C4BPA: variants seen among roughly 807,000 people sequenced by gnomAD.
C4BPA encodes the protein complement component 4 binding protein alpha, also known as C4b-binding protein alpha chain.
In C4BPA, 31 loss-of-function variants were observed where a neutral mutation model predicts 63.7. The observed-to-expected ratio is 0.49, with a 90% CI of 0.37 to 0.66. C4BPA has a LOEUF of 0.66. Among genes scored for constraint, C4BPA ranks in the 30% least tolerant of loss-of-function variants. The pLI is 0.00. For synonymous variants in C4BPA, 259 were observed against 254.7 expected (o/e 1.02, Z -0.16); for missense variants, 572 against 723.3 (o/e 0.79, Z 2.40).
intron 3 of C4BPA, 43 bp downstream of exon 3, chr1:207,114,328 T>C: frequency 6.8e-7 from 1 of 1,466,518 alleles, no homozygotes; most frequent in Non-Finnish European, 9.3e-7. Context: ...TTTCCTATCT[T>C]TGGAAAGTTG....
chr1:207,108,403 A>C (rs1276874088), intron 1 of C4BPA, among the ~76,000 whole-genome samples: 1 of 152,000 alleles, frequency 6.6e-6, no homozygotes, highest in Non-Finnish European at 1.5e-5. Context: ...TCCAGGAACG[A>C]CTCCTTTGTT....
chr1:207,143,758 C>G, intron 10 of C4BPA, 60 bp from the exon 11 acceptor site: 1 of 1,154,684 alleles, frequency 8.7e-7, no homozygotes, highest in East Asian at 2.4e-5. Flanking sequence ...TTATCCGAGA[C>G]TGTTATCATG....
In C4BPA at chr1:207,119,416, A is replaced by C. The variant is rs1205827193; in HGVS notation, c.428+3901A>C. On this transcript the variant is annotated intron_variant, in intron 4 of 11. Coordinates refer to ENST00000367070, the MANE Select transcript of C4BPA (RefSeq NM_000715.4). ...TATGTATGGAAGATAATTCTGGGAA[A>C]CATAATTACAGCTTAGCTAAGTTGA... 2.1e-5 allele frequency among the ~76,000 whole-genome samples: 2 copies of C among 93,514 alleles called. 1 individual carries two copies. The highest frequency in any genetic ancestry group is 6.0e-5 in the African/African-American group (2 of 33,410). The allele number at this position is 93,514 out of a possible 152,430, so 61.3% of individuals were successfully genotyped here.
intron 6 of C4BPA, among the ~76,000 whole-genome samples, chr1:207,124,786 C>T (rs954788752): frequency 3.3e-5 from 5 of 152,264 alleles, no homozygotes; most frequent in South Asian, 2.1e-4. Flanking sequence ...CTTCAGTAGA[C>T]GAAGAGAGAA....
chr1:207,116,318 G>A (rs771093822), intron 4 of C4BPA, among the ~76,000 whole-genome samples: 6 of 152,020 alleles, frequency 3.9e-5, no homozygotes, highest in Non-Finnish European at 7.4e-5. Flanking sequence ...TCCAGGGGAT[G>A]TTTGTATTTA....
intron 10 of C4BPA, among the ~76,000 whole-genome samples, chr1:207,143,321 A>AC (rs1280141839): frequency 7.0e-6 from 1 of 143,286 alleles, no homozygotes; most frequent in Non-Finnish European, 1.5e-5. Flanking sequence ...AACATCACAC[A>AC]CTGGGGCCTG....
chr1:207,130,414 T>C (rs1262177520), intron 7 of C4BPA, among the ~76,000 whole-genome samples: 1 of 152,196 alleles, frequency 6.6e-6, no homozygotes, highest in Non-Finnish European at 1.5e-5. Context: ...AGTTTAACCA[T>C]GGAGTTACCA....
At chr1:207,113,311 C>T in intron 2 of C4BPA, 144 bp downstream of exon 2, 8 of 872,044 alleles carry the variant, frequency 9.2e-6, no homozygotes, top group Non-Finnish European at 1.4e-5. Context: ...CAGGCTAGAA[C>T]TTAGGGAAAT....
chr1:207,140,379 T>C (rs1402872119), intron 9 of C4BPA, among the ~76,000 whole-genome samples: 2 of 152,224 alleles, frequency 1.3e-5, no homozygotes, highest in Non-Finnish European at 2.9e-5. Flanking sequence ...AATCCCAGCA[T>C]TTCAGTCTGA....
At chr1:207,134,660 G>A in intron 9 of C4BPA, 68 bp downstream of exon 9, 1 of 1,180,460 alleles carries the variant, frequency 8.5e-7, no homozygotes, top group South Asian at 1.6e-5. Flanking sequence ...ATTATTAAGA[G>A]AAGGTTTAAA....
rs778751089 is a variant in C4BPA at position 207,124,312 on chromosome 1, A to T, written c.652A>T (p.Thr218Ser). Residue 218 changes from threonine to serine, a missense_variant, in exon 6 of 12, where the codon ACT becomes TCT. Transcript: ENST00000367070. ...SLLGHASISC[T>S]VENETIGVWR... ...CTTGGGCCATGCCTCCATTTCTTGC[A>T]CTGTGGAGAATGAAACAATAGGTGT... 4 of 1,613,864 alleles carry T rather than the reference A, an allele frequency of 2.5e-6. No individual in the cohort carries two copies. In the South Asian group the frequency reaches 4.4e-5, roughly 18 times the overall value.
At chr1:207,121,648 TA>T (rs1189854686) in intron 4 of C4BPA, among the ~76,000 whole-genome samples, 1 of 152,116 alleles carries the variant, frequency 6.6e-6, no homozygotes, top group Admixed American at 6.5e-5. Context: ...TATTTTGTTA[TA>T]TATGTATGTG....
intron 8 of C4BPA, among the ~76,000 whole-genome samples, chr1:207,134,076 G>A (rs955798944): frequency 6.6e-6 from 1 of 151,980 alleles, no homozygotes. Context: ...TCAAACTCCT[G>A]GGCTCAAGCA....
chr1:207,113,133 G>A lies in C4BPA; in HGVS notation c.108G>A (p.Met36Ile), dbSNP rs749505284. 2 of 1,611,114 alleles carry A rather than the reference G, an allele frequency of 1.2e-6. No individual in the cohort carries two copies. The highest frequency in any genetic ancestry group is 8.5e-7 in the Non-Finnish European group (1 of 1,178,936). Residue 36 changes from methionine to isoleucine, a missense_variant, in exon 2 of 12, where the codon ATG (methionine) becomes ATA (isoleucine). By Grantham distance (10) the Met-to-Ile change is conservative (BLOSUM62 1). This residue lies in a region of C4BPA where 107 missense variants were observed against 93.9 expected (regional missense o/e 1.14). Coordinates refer to ENST00000367070, the MANE Select transcript of C4BPA (RefSeq NM_000715.4). ...TCTCTGATCCAATTCTCTTCCAAAT[G>A]ACCTTGATCGCTGCTCTGTTGCCTG... ...WKVSDPILFQMTLIAALLPAV... is the reference protein window; with the variant it reads ...WKVSDPILFQITLIAALLPAV...
intron 4 of C4BPA, among the ~76,000 whole-genome samples, chr1:207,115,946 A>G (rs887747257): frequency 2.6e-5 from 4 of 152,082 alleles, no homozygotes; most frequent in Non-Finnish European, 4.4e-5. Flanking sequence ...GGATCCATGG[A>G]TGTTTCTAAT....
intron 1 of C4BPA, among the ~76,000 whole-genome samples, chr1:207,106,225 G>A (rs925460208): frequency 4.6e-5 from 7 of 152,104 alleles, no homozygotes; most frequent in Non-Finnish European, 8.8e-5. Flanking sequence ...TGCAAATGCC[G>A]TAGTTGGAGA....
At chr1:207,130,034 C>A (rs1347907871) in intron 7 of C4BPA, among the ~76,000 whole-genome samples, 1 of 152,072 alleles carries the variant, frequency 6.6e-6, no homozygotes, top group African/African-American at 2.4e-5. Context: ...CAATTATATA[C>A]ATATTGTTTT....
At chr1:207,142,843 C>A (rs1685449149) in intron 10 of C4BPA, among the ~76,000 whole-genome samples, 1 of 152,052 alleles carries the variant, frequency 6.6e-6, no homozygotes, top group Non-Finnish European at 1.5e-5. Flanking sequence ...AAACAACATG[C>A]TGGAGAGGAT....
At chr1:207,124,037 C>A in intron 5 of C4BPA, 30 bp downstream of exon 5, 1 of 1,542,686 alleles carries the variant, frequency 6.5e-7, no homozygotes, top group Non-Finnish European at 9.0e-7. Flanking sequence ...ACTTGACTAT[C>A]AATTTAAACT....
Sources: allele counts gnomAD v4.1 joint callset (sites outside exome capture counted in the v4.1 genomes callset), GRCh38; gene constraint gnomAD v4.1.1; regional missense constraint gnomAD v4.1.1; transcripts MANE v1.5; gene names NCBI Gene and HGNC (gene_info 2026-07-23, HGNC 2026-07-21).